The following SEMA3E variants were observed in gnomAD, a reference collection of about 807,000 sequenced individuals.
SEMA3E encodes semaphorin 3E.
Under a neutral mutation model 93.6 loss-of-function variants are expected in SEMA3E, and 49 were observed. That is an observed-to-expected ratio of 0.52 (90% CI 0.42 to 0.66). The LOEUF is 0.66. SEMA3E is among the 30% of genes least tolerant of loss of function. SEMA3E has a pLI of 0.00. For synonymous variants in SEMA3E, 363 were observed against 330.7 expected (o/e 1.10, Z -1.06); for missense variants, 906 against 964.8 (o/e 0.94, Z 0.81).
chr7:83,433,774 C>A (rs543032733), intron 4 of SEMA3E, among the ~76,000 whole-genome samples: 1 of 151,942 alleles, frequency 6.6e-6, no homozygotes, highest in South Asian at 2.1e-4. Flanking sequence ...CGATACATAC[C>A]GAGCAAATAA....
At chr7:83,423,640 A>T (rs1458022960) in intron 4 of SEMA3E, among the ~76,000 whole-genome samples, 4 of 150,646 alleles carry the variant, frequency 2.7e-5, no homozygotes, top group African/African-American at 7.3e-5. Flanking sequence ...AGTAGCTGGG[A>T]CTACAGACGC....
chr7:83,529,595 T>A (rs1048565273), intron 1 of SEMA3E, among the ~76,000 whole-genome samples: 1 of 152,124 alleles, frequency 6.6e-6, no homozygotes, highest in Non-Finnish European at 1.5e-5. Context: ...AAGAGTTAGA[T>A]CATTCATACT....
At chr7:83,568,018 A>G (rs1356956264) in intron 1 of SEMA3E, among the ~76,000 whole-genome samples, 1 of 152,020 alleles carries the variant, frequency 6.6e-6, no homozygotes, top group East Asian at 1.9e-4. Flanking sequence ...AAAAAACTCC[A>G]ATAAATAAAA....
rs993248605 is a variant in SEMA3E, at chr7:83,364,006, T to C, written c.*3580A>G. ...GCTTCCCGGGTTCACGCCATTCTCC[T>C]GCCTCAGCCTCCCAAGTAGCTGGGA... On this transcript the variant is annotated 3_prime_UTR_variant, in exon 17 of 17. Coordinates refer to ENST00000643230, the MANE Select transcript of SEMA3E (RefSeq NM_012431.3). 3 of 148,978 alleles carry C rather than the reference T, an allele frequency of 2.0e-5. No individual in the cohort carries two copies. Among genetic ancestry groups the C allele is most frequent in the Non-Finnish European group, 4.5e-5 (3 of 67,360 alleles). 9.2% of individuals were successfully genotyped at this position (148,978 alleles called of 1,614,324 possible). A position where few individuals can be genotyped will look rare whatever the true frequency, so the allele number is the denominator to read the frequency against.
chr7:83,560,252 C>T (rs531092651), intron 1 of SEMA3E, among the ~76,000 whole-genome samples: 1 of 152,142 alleles, frequency 6.6e-6, no homozygotes, highest in African/African-American at 2.4e-5. Flanking sequence ...GTAGGTTCAT[C>T]AGTTTTAACA....
chr7:83,375,853 T>C (rs1000962010), intron 16 of SEMA3E, among the ~76,000 whole-genome samples: 1 of 152,068 alleles, frequency 6.6e-6, no homozygotes, highest in Non-Finnish European at 1.5e-5. Flanking sequence ...GTTATGACCA[T>C]AAGTTGTTTT....
intron 1 of SEMA3E, among the ~76,000 whole-genome samples, chr7:83,500,721 T>C (rs1584291849): frequency 6.7e-6 from 1 of 150,158 alleles, no homozygotes; most frequent in Non-Finnish European, 1.5e-5. Context: ...GCCTCCCAAG[T>C]AGCTGGGATT....
intron 1 of SEMA3E, among the ~76,000 whole-genome samples, chr7:83,604,632 T>C (rs945221517): frequency 1.3e-5 from 2 of 151,684 alleles, no homozygotes; most frequent in Admixed American, 6.6e-5. Context: ...CATATATATA[T>C]TTACTTTAAG....
chr7:83,469,526 A>G (rs1262677468), intron 2 of SEMA3E, among the ~76,000 whole-genome samples: 2 of 149,624 alleles, frequency 1.3e-5, no homozygotes, highest in African/African-American at 4.9e-5. Context: ...TTTCTTGAAT[A>G]TTTTTGAAAG....
At chr7:83,380,735 T>C (rs911725810) in intron 16 of SEMA3E, among the ~76,000 whole-genome samples, 2 of 151,998 alleles carry the variant, frequency 1.3e-5, no homozygotes, top group African/African-American at 4.8e-5. Flanking sequence ...ATTACAAGGC[T>C]GTAAACTTCA....
chr7:83,403,176 C>T (rs1371878425), intron 9 of SEMA3E, among the ~76,000 whole-genome samples: 1 of 151,830 alleles, frequency 6.6e-6, no homozygotes, highest in Non-Finnish European at 1.5e-5. Context: ...AGACAGTGTC[C>T]TCTTACTCAC....
chr7:83,453,434 A>G (rs75902460), intron 4 of SEMA3E, among the ~76,000 whole-genome samples: 1 of 152,114 alleles, frequency 6.6e-6, no homozygotes, highest in African/African-American at 2.4e-5. Flanking sequence ...AAAAAAAAAA[A>G]AAGTACCATT....
At chr7:83,464,379 C>T (rs1367840455) in intron 4 of SEMA3E, among the ~76,000 whole-genome samples, 1 of 149,408 alleles carries the variant, frequency 6.7e-6, no homozygotes, top group Non-Finnish European at 1.5e-5. Flanking sequence ...ACTGTGCCCC[C>T]AAAAACTTGT....
chr7:83,404,646 TA>T (rs1022800211), intron 9 of SEMA3E, among the ~76,000 whole-genome samples: 37 of 151,904 alleles, frequency 2.4e-4, no homozygotes, highest in African/African-American at 7.0e-4. Flanking sequence ...TACTATGGGT[TA>T]AAAAAATACA....
Position 83,364,475 on chromosome 7 carries a change from T to C in SEMA3E, c.*3111A>G, listed in dbSNP as rs984537767. 5 of 152,232 alleles carry C rather than the reference T, an allele frequency of 3.3e-5. No homozygotes were observed. Among genetic ancestry groups the C allele is most frequent in the African/African-American group, 1.2e-4 (5 of 41,460 alleles). 9.4% of individuals were successfully genotyped at this position (152,232 alleles called of 1,614,324 possible). The stretch of plus-strand genomic sequence containing the variant: ...TTTCTAGAGCTCTTATTAGTGTTTA[T>C]CCTTATTTTTAATCCCTGTTTCTCC... On this transcript the variant is annotated 3_prime_UTR_variant, in exon 17 of 17. Coordinates refer to ENST00000643230, the MANE Select transcript of SEMA3E (RefSeq NM_012431.3).
At chr7:83,435,520 C>T (rs1262351812) in intron 4 of SEMA3E, among the ~76,000 whole-genome samples, 3 of 151,940 alleles carry the variant, frequency 2.0e-5, no homozygotes, top group East Asian at 1.9e-4. Flanking sequence ...TGCTGGAACC[C>T]GGCAGGCAGA....
chr7:83,616,718 T>C (rs1246116236), intron 1 of SEMA3E: 16 of 449,360 alleles, frequency 3.6e-5, no homozygotes, highest in Non-Finnish European at 2.7e-5. Context: ...TCATTCTTCT[T>C]CTTTCTTTCT....
chr7:83,414,731 CA>C (rs1264493595), intron 5 of SEMA3E, among the ~76,000 whole-genome samples: 6 of 151,998 alleles, frequency 3.9e-5, no homozygotes, highest in Admixed American at 3.9e-4. Flanking sequence ...ACTCCAACAA[CA>C]AAGTTAATCC....
At chr7:83,473,032 C>T (rs1789936489) in intron 2 of SEMA3E, among the ~76,000 whole-genome samples, 1 of 152,182 alleles carries the variant, frequency 6.6e-6, no homozygotes, top group Non-Finnish European at 1.5e-5. Context: ...AACCTCTTTC[C>T]TTTAAAAATT....
Sources: gnomAD v4.1 joint callset for allele counts (sites outside exome capture counted in the v4.1 genomes callset) on GRCh38, gnomAD v4.1.1 for gene constraint, MANE v1.5 for transcripts, NCBI Gene and HGNC (gene_info 2026-07-23, HGNC 2026-07-21) for gene names.